Variants in SHISA6 observed in about 807,000 individuals in gnomAD.
SHISA6 encodes the protein protein shisa-6.
A neutral mutation model predicts 47.9 loss-of-function variants in SHISA6; 22 were observed. The ratio of observed to expected loss-of-function variants is 0.46; its 90% CI spans 0.33 to 0.66. SHISA6 has a LOEUF of 0.66. SHISA6 is among the 30% of genes least tolerant of loss of function. The probability of loss-of-function intolerance (pLI) is 0.02; values close to 1 mark genes in which losing one functional copy is unlikely to be tolerated. For missense variants in SHISA6, 680 were observed against 764.6 expected (o/e 0.89, Z 1.30); for synonymous variants, 388 against 337.8 (o/e 1.15, Z -1.63).
intron 3 of SHISA6, among the ~76,000 whole-genome samples, chr17:11,400,184 C>T (rs1426313727): frequency 1.3e-5 from 2 of 152,136 alleles, no homozygotes; most frequent in Non-Finnish European, 1.5e-5. Flanking sequence ...TCTCTCTCAG[C>T]CCTGACCTTT....
At chr17:11,350,182 ATTT>A (rs778331945) in intron 2 of SHISA6, among the ~76,000 whole-genome samples, 6 of 116,262 alleles carry the variant, frequency 5.2e-5, no homozygotes, top group South Asian at 2.9e-4. Context: ...TTATTTATTT[ATTT>A]TTTTTTTTTT....
chr17:11,413,717 G>C (rs1914202152), intron 3 of SHISA6, among the ~76,000 whole-genome samples: 1 of 152,168 alleles, frequency 6.6e-6, no homozygotes, highest in African/African-American at 2.4e-5. Flanking sequence ...AAGTGTTCCA[G>C]CCGTGTTTCC....
chr17:11,350,177 TA>T (rs1180465762), intron 2 of SHISA6, among the ~76,000 whole-genome samples: 13,765 of 110,832 alleles, frequency 0.12, 839 homozygotes, highest in East Asian at 0.2. Context: ...TTTATTTATT[TA>T]TTTATTTTTT....
intron 2 of SHISA6, among the ~76,000 whole-genome samples, chr17:11,283,498 G>A (rs925942536): frequency 6.6e-6 from 1 of 152,138 alleles, no homozygotes; most frequent in Non-Finnish European, 1.5e-5. Flanking sequence ...AATTAAGTGG[G>A]TCTAAAGCCT....
chr17:11,530,928 T>C (rs982253503), intron 3 of SHISA6, among the ~76,000 whole-genome samples: 10 of 152,184 alleles, frequency 6.6e-5, no homozygotes, highest in African/African-American at 2.4e-4. Context: ...AACTTCTTAA[T>C]TGTTCTTTCT....
At chr17:11,347,345 G>C (rs144672395) in intron 2 of SHISA6, among the ~76,000 whole-genome samples, 1 of 152,262 alleles carries the variant, frequency 6.6e-6, no homozygotes, top group African/African-American at 2.4e-5. Context: ...GAAAAGACCA[G>C]GGTGGTCAAC....
intron 2 of SHISA6, among the ~76,000 whole-genome samples, chr17:11,355,852 T>C (rs1225156384): frequency 1.3e-5 from 2 of 152,196 alleles, no homozygotes; most frequent in African/African-American, 2.4e-5. Flanking sequence ...TTTATTCCCA[T>C]GATAATCTGC....
intron 3 of SHISA6, among the ~76,000 whole-genome samples, chr17:11,524,276 A>G (rs900429577): frequency 3.3e-5 from 5 of 152,056 alleles, no homozygotes; most frequent in African/African-American, 1.2e-4. Context: ...TCAAAGGGAG[A>G]CAGAAAACAG....
At chr17:11,369,166 T>G (rs1300277556) in intron 2 of SHISA6, among the ~76,000 whole-genome samples, 1 of 152,160 alleles carries the variant, frequency 6.6e-6, no homozygotes, top group East Asian at 1.9e-4. Flanking sequence ...CAGGCTTAGC[T>G]TTTTTTGCAA....
rs143874172 is a variant in SHISA6, at chr17:11,454,794, G to C, written c.895+75285G>C. On this transcript the variant is annotated intron_variant, in intron 3 of 5. Coordinates refer to ENST00000441885, the MANE Select transcript of SHISA6 (RefSeq NM_207386.4). ...TATCTATTTCTTTCCGATTCAAATGGGAGAACCTTCAGAGCAGAGAACTCA... is the reference window on the plus strand; with the variant it reads ...TATCTATTTCTTTCCGATTCAAATGCGAGAACCTTCAGAGCAGAGAACTCA... 3.3e-3 allele frequency among the ~76,000 whole-genome samples: 500 copies of C among 152,262 alleles called. 5 individuals carry two copies. The highest frequency in any genetic ancestry group is 0.012 in the African/African-American group (481 of 41,542).
intron 3 of SHISA6, among the ~76,000 whole-genome samples, chr17:11,404,173 T>C (rs1336650137): frequency 6.6e-6 from 1 of 152,248 alleles, no homozygotes; most frequent in Non-Finnish European, 1.5e-5. Flanking sequence ...GAAACTCCTG[T>C]CTTTGCTCTT....
Position 11,241,519 on chromosome 17 carries a change from C to G in SHISA6, c.97C>G (p.Arg33Gly), listed in dbSNP as rs1316928256. 1 of 1,137,768 alleles carries G rather than the reference C, an allele frequency of 8.8e-7. No homozygotes were observed. The highest frequency in any genetic ancestry group is 1.1e-6 in the Non-Finnish European group (1 of 924,752). 70.5% of individuals were successfully genotyped at this position (1,137,768 alleles called of 1,614,324 possible). A position where few individuals can be genotyped will look rare whatever the true frequency, so the allele number is the denominator to read the frequency against. Reference protein sequence around the residue: ...VHGARGRAANRTLSAGGAAVG... With the variant: ...VHGARGRAANGTLSAGGAAVG... ...CGGAGCCCGCGGCCGCGCCGCCAAC[C>G]GGACCCTGAGTGCAGGCGGCGCTGC... The change falls in exon 1 of 6, where the codon CGG becomes GGG. Residue 33 changes from arginine to glycine, a missense_variant. Coordinates refer to ENST00000441885, the MANE Select transcript of SHISA6 (RefSeq NM_207386.4). This position sits in a 1 kb window ranked among gnomAD's most constrained non-coding sequence, Gnocchi z 5.5.
chr17:11,256,553 G>A (rs1310729269), intron 1 of SHISA6, among the ~76,000 whole-genome samples: 1 of 152,154 alleles, frequency 6.6e-6, no homozygotes, highest in Non-Finnish European at 1.5e-5. Context: ...GGCAGCAGCA[G>A]CCCATTTGCA....
intron 2 of SHISA6, among the ~76,000 whole-genome samples, chr17:11,283,237 A>G (rs911169072): frequency 5.3e-5 from 8 of 152,344 alleles, no homozygotes; most frequent in African/African-American, 1.9e-4. Context: ...ATATATGTAC[A>G]TAGTTTGTAA....
At chr17:11,335,943 TC>T (rs774134194) in intron 2 of SHISA6, among the ~76,000 whole-genome samples, 84 of 152,082 alleles carry the variant, frequency 5.5e-4, no homozygotes, top group Non-Finnish European at 9.7e-4. Flanking sequence ...ACACCTGTAG[TC>T]CCAGCACTTT....
intron 2 of SHISA6, among the ~76,000 whole-genome samples, chr17:11,304,393 G>T (rs1910033718): frequency 6.6e-6 from 1 of 152,170 alleles, no homozygotes; most frequent in Non-Finnish European, 1.5e-5. Context: ...CTCAACACCT[G>T]CAGTCAAAAG....
intron 3 of SHISA6, among the ~76,000 whole-genome samples, chr17:11,446,677 A>G (rs908182397): frequency 5.3e-5 from 8 of 152,126 alleles, no homozygotes; most frequent in African/African-American, 1.9e-4. Flanking sequence ...CTGGGAAACC[A>G]TTCATCCTTC....
At chr17:11,328,572 ACT>A (rs1450076884) in intron 2 of SHISA6, among the ~76,000 whole-genome samples, 3 of 152,198 alleles carry the variant, frequency 2.0e-5, no homozygotes, top group Non-Finnish European at 4.4e-5. Flanking sequence ...TGTAGGAAAC[ACT>A]CAATAAATAA....
At chr17:11,516,930 C>T (rs191219639) in intron 3 of SHISA6, among the ~76,000 whole-genome samples, 2 of 152,286 alleles carry the variant, frequency 1.3e-5, no homozygotes, top group African/African-American at 4.8e-5. Context: ...CCTTCTGGTA[C>T]AAGTATTGTG....
Sources: allele counts gnomAD v4.1 joint callset (sites outside exome capture counted in the v4.1 genomes callset), GRCh38; gene constraint gnomAD v4.1.1; non-coding constraint Gnocchi (gnomAD v3.1); transcripts MANE v1.5; gene names NCBI Gene and HGNC (gene_info 2026-07-23, HGNC 2026-07-21).